The following NAV2 variants were observed in gnomAD, a reference collection of about 807,000 sequenced individuals.
NAV2 encodes the protein neuron navigator 2, also known as helicase, APC down-regulated 1.
In NAV2, 54 loss-of-function variants were observed where a neutral mutation model predicts 223.2. The observed-to-expected ratio is 0.24, with a 90% CI of 0.19 to 0.30. NAV2 has a LOEUF of 0.30. NAV2 is among the 10% of genes least tolerant of loss of function. The probability of loss-of-function intolerance (pLI) is 1.00; values close to 1 mark genes in which losing one functional copy is unlikely to be tolerated. For missense variants in NAV2, 2,806 were observed against 3,147.5 expected (o/e 0.89, Z 2.60); for synonymous variants, 1,279 against 1,239.3 (o/e 1.03, Z -0.67).
At chr11:19,952,690 C>A (rs761108941) in intron 10 of NAV2, among the ~76,000 whole-genome samples, 1 of 152,210 alleles carries the variant, frequency 6.6e-6, no homozygotes, top group Non-Finnish European at 1.5e-5. Flanking sequence ...TGCTGTACTT[C>A]GGCTTGGCAT....
chr11:19,793,222 A>G (rs1286467538), intron 1 of NAV2, among the ~76,000 whole-genome samples: 4 of 148,098 alleles, frequency 2.7e-5, no homozygotes, highest in South Asian at 2.2e-4. Context: ...AAAAAAAAAA[A>G]AAAAAAAGAA....
chr11:19,494,958 C>T (rs1268365256), intron 1 of NAV2, among the ~76,000 whole-genome samples: 1 of 152,216 alleles, frequency 6.6e-6, no homozygotes, highest in East Asian at 1.9e-4. Context: ...CCTGGTGGGA[C>T]TGACCTCTGT....
chr11:19,878,775 C>T (rs2063015416), intron 4 of NAV2, among the ~76,000 whole-genome samples: 1 of 152,212 alleles, frequency 6.6e-6, no homozygotes, highest in Admixed American at 6.5e-5. Flanking sequence ...GAAAGGACTC[C>T]ATTCATACTT....
At chr11:19,617,139 CAT>C (rs1185498172) in intron 1 of NAV2, among the ~76,000 whole-genome samples, 7 of 152,146 alleles carry the variant, frequency 4.6e-5, no homozygotes, top group African/African-American at 9.7e-5. Flanking sequence ...GGCAACACCA[CAT>C]GTTTCTTTTC....
intron 20 of NAV2, among the ~76,000 whole-genome samples, chr11:20,062,737 C>A (rs1056194573): frequency 3.3e-5 from 5 of 152,204 alleles, no homozygotes; most frequent in Non-Finnish European, 7.3e-5. Context: ...CTCTGTTGCC[C>A]AGGCTGGAAT....
chr11:19,983,164 C>A (rs2050448140), intron 10 of NAV2, among the ~76,000 whole-genome samples: 1 of 152,104 alleles, frequency 6.6e-6, no homozygotes, highest in African/African-American at 2.4e-5. Context: ...AATGACAAAA[C>A]CAGTCTCCTT....
intron 1 of NAV2, among the ~76,000 whole-genome samples, chr11:19,803,884 C>T (rs1174420288): frequency 6.6e-6 from 1 of 152,166 alleles, no homozygotes; most frequent in African/African-American, 2.4e-5. Context: ...TGTGGCTTAT[C>T]GAATTGGAAA....
At chr11:19,379,227 G>A (rs1480101297) in intron 1 of NAV2, among the ~76,000 whole-genome samples, 2 of 152,170 alleles carry the variant, frequency 1.3e-5, no homozygotes, top group East Asian at 1.9e-4. Context: ...TGGATGGGGC[G>A]TGAGCAGGGG....
chr11:19,884,616 C>T (rs2063418532), intron 5 of NAV2, among the ~76,000 whole-genome samples: 1 of 152,130 alleles, frequency 6.6e-6, no homozygotes, highest in African/African-American at 2.4e-5. Context: ...TTCGCATTTT[C>T]TTGACTTTTG....
intron 1 of NAV2, among the ~76,000 whole-genome samples, chr11:19,372,186 G>A (rs1848494187): frequency 6.6e-6 from 1 of 152,102 alleles, no homozygotes; most frequent in Non-Finnish European, 1.5e-5. Flanking sequence ...TTTCTCTTGG[G>A]GCAAGTCACT....
At chr11:20,099,825 G>T (rs1341628739) in intron 31 of NAV2, among the ~76,000 whole-genome samples, 2 of 151,982 alleles carry the variant, frequency 1.3e-5, no homozygotes. Flanking sequence ...TGTTCTAGTG[G>T]TTTTTTCCTG....
chr11:19,544,295 C>G (rs1465129231), intron 1 of NAV2, among the ~76,000 whole-genome samples: 1 of 152,164 alleles, frequency 6.6e-6, no homozygotes, highest in African/African-American at 2.4e-5. Context: ...ATCAGTCTTT[C>G]CAATACCAGC....
chr11:19,695,625 C>A (rs1395333459), intron 1 of NAV2, among the ~76,000 whole-genome samples: 2 of 152,142 alleles, frequency 1.3e-5, no homozygotes, highest in Non-Finnish European at 2.9e-5. Flanking sequence ...CTGGATGGGC[C>A]GGGCATGGTG....
intron 2 of NAV2, among the ~76,000 whole-genome samples, chr11:19,841,258 A>G (rs1734331199): frequency 6.6e-6 from 1 of 152,192 alleles, no homozygotes; most frequent in African/African-American, 2.4e-5. Flanking sequence ...AGATTTTTAA[A>G]CAATTTTCTG....
chr11:19,508,458 C>T (rs2043186459), intron 1 of NAV2, among the ~76,000 whole-genome samples: 1 of 152,198 alleles, frequency 6.6e-6, no homozygotes, highest in Non-Finnish European at 1.5e-5. Flanking sequence ...CAGGTACCTT[C>T]TCTCCTCAGG....
In NAV2 at chr11:19,495,075, T is replaced by C. The variant is rs61185795; in HGVS notation, c.75+144048T>C. ...AGGGCCTGGGTCTCCAGAGGACCCA[T>C]GGATAACTTGTGGACTGGACAGTTT... On this transcript the variant is annotated intron_variant, in intron 1 of 37. Transcript: ENST00000360655. Among the ~76,000 whole-genome samples the C allele has an allele frequency of 9.3e-3, 1,424 of 152,326 alleles. 18 individuals are homozygous for C. Among genetic ancestry groups the C allele is most frequent in the African/African-American group, 0.032 (1,336 of 41,580 alleles).
chr11:20,072,295 A>G (rs894214801), intron 22 of NAV2, among the ~76,000 whole-genome samples: 3 of 152,148 alleles, frequency 2.0e-5, no homozygotes, highest in Non-Finnish European at 2.9e-5. Context: ...CCATTGGTCT[A>G]TATATCTGTT....
chr11:19,378,231 G>T (rs1462872885), intron 1 of NAV2, among the ~76,000 whole-genome samples: 2 of 152,164 alleles, frequency 1.3e-5, no homozygotes, highest in African/African-American at 4.8e-5. Context: ...CTTCCAAGTT[G>T]CAATGGACTT....
intron 1 of NAV2, among the ~76,000 whole-genome samples, chr11:19,761,122 A>G (rs935351393): frequency 6.6e-6 from 1 of 152,288 alleles, no homozygotes; most frequent in Non-Finnish European, 1.5e-5. Flanking sequence ...TCAGACCAGG[A>G]CAACACTGAA....
Sources: allele counts gnomAD v4.1 joint callset (sites outside exome capture counted in the v4.1 genomes callset), GRCh38; gene constraint gnomAD v4.1.1; transcripts MANE v1.5; gene names NCBI Gene and HGNC (gene_info 2026-07-23, HGNC 2026-07-21).